Variants in TM9SF2 observed in about 807,000 individuals in gnomAD.
TM9SF2 encodes transmembrane 9 superfamily member 2.
Under a neutral mutation model 84.9 loss-of-function variants are expected in TM9SF2, and 13 were observed. That is an observed-to-expected ratio of 0.15 (90% CI 0.10 to 0.24). The LOEUF (loss-of-function observed/expected upper bound fraction) is 0.24. Ranked by LOEUF, TM9SF2 falls within the 10% of genes least tolerant of loss-of-function variation. TM9SF2 has a pLI of 1.00. For synonymous variants in TM9SF2, 273 were observed against 285.8 expected (o/e 0.96, Z 0.45); for missense variants, 562 against 818.5 (o/e 0.69, Z 3.82).
chr13:99,521,705 T>G (rs2046161150), intron 3 of TM9SF2, among the ~76,000 whole-genome samples: 1 of 152,252 alleles, frequency 6.6e-6, no homozygotes, highest in African/African-American at 2.4e-5. Context: ...ATATTCTTTT[T>G]TTTTCTTTTC....
At chr13:99,516,657 A>G (rs191241189) in intron 1 of TM9SF2, among the ~76,000 whole-genome samples, 1 of 152,354 alleles carries the variant, frequency 6.6e-6, no homozygotes, top group African/African-American at 2.4e-5. Flanking sequence ...TTTCCCAGGA[A>G]GTTGATACAG....
intron 7 of TM9SF2, among the ~76,000 whole-genome samples, chr13:99,540,350 G>A (rs1474769918): frequency 1.8e-4 from 26 of 148,526 alleles, no homozygotes; most frequent in African/African-American, 6.0e-4. Context: ...AGCTGCCCCC[G>A]GCATAAAGAA....
intron 13 of TM9SF2, among the ~76,000 whole-genome samples, chr13:99,553,110 C>G (rs1283637197): frequency 6.6e-6 from 1 of 152,230 alleles, no homozygotes; most frequent in Non-Finnish European, 1.5e-5. Flanking sequence ...CTGCCCACTC[C>G]TGCCCTCAGG....
intron 10 of TM9SF2, among the ~76,000 whole-genome samples, chr13:99,546,173 C>T (rs1457625970): frequency 1.3e-5 from 2 of 152,122 alleles, no homozygotes; most frequent in African/African-American, 2.4e-5. Context: ...CGTGCTTGCT[C>T]ACATACGTGC....
chr13:99,540,571 ATC>A (rs1172228921), intron 7 of TM9SF2, 141 bp from the exon 8 acceptor site: 4 of 488,696 alleles, frequency 8.2e-6, no homozygotes, highest in African/African-American at 7.9e-5. Context: ...AACTCTCCAA[ATC>A]TCAGGACTAA....
At chr13:99,509,393 T>G (rs1399191583) in intron 1 of TM9SF2, among the ~76,000 whole-genome samples, 2 of 152,198 alleles carry the variant, frequency 1.3e-5, no homozygotes, top group East Asian at 3.9e-4. Flanking sequence ...AGGTGCTTTG[T>G]GGGGGCTCCA....
chr13:99,522,415 T>A (rs528617160), intron 3 of TM9SF2, among the ~76,000 whole-genome samples: 1 of 152,172 alleles, frequency 6.6e-6, no homozygotes, highest in Non-Finnish European at 1.5e-5. Flanking sequence ...CCTAATGGGA[T>A]GAAGTCATTG....
At chr13:99,562,665 G>A (rs1789941715) in intron 16 of TM9SF2, 26 bp from the exon 17 acceptor site, 2 of 1,605,006 alleles carry the variant, frequency 1.2e-6, no homozygotes, top group Admixed American at 1.7e-5. Flanking sequence ...TTGAAAAGGG[G>A]TTTATTTTTA....
Position 99,536,663 on chromosome 13 carries a change from T to G in TM9SF2, c.517T>G (p.Phe173Val). 1 of 1,613,802 alleles carries G rather than the reference T, an allele frequency of 6.2e-7. No homozygotes were observed. Among genetic ancestry groups the G allele is most frequent in the African/African-American group, 1.3e-5 (1 of 75,024 alleles). ...WCYDVEDGQR[F>V]CNPGFPIGCY... ...TTACGATGTTGAAGATGGTCAGAGG[T>G]TCTGTAATCCTGGATTTCCTATTGG... The change falls in exon 5 of 17, where the codon TTC (phenylalanine) becomes GTC (valine). Residue 173 changes from phenylalanine to valine, a missense_variant. This residue lies in a region of TM9SF2 where 267 missense variants were observed against 316.7 expected (regional missense o/e 0.84). Coordinates refer to ENST00000376387, the MANE Select transcript of TM9SF2 (RefSeq NM_004800.3).
In TM9SF2 at chr13:99,556,958, T is replaced by C. The variant is rs772592321; in HGVS notation, c.1752+1311T>C. 7.4e-4 allele frequency among the ~76,000 whole-genome samples: 113 copies of C among 152,244 alleles called. 1 individual carries two copies. The highest frequency in any genetic ancestry group is 2.2e-4 in the Non-Finnish European group (15 of 68,042). On this transcript the variant is annotated intron_variant, in intron 15 of 16. Transcript: ENST00000376387. The stretch of plus-strand genomic sequence containing the variant: ...TCCATTGGTGGGCATTTGTATTGTT[T>C]CTACTTTTTGGCTGTTGTGAATAGT...
intron 4 of TM9SF2, 69 bp downstream of exon 4, chr13:99,529,663 A>G (rs1242115215): frequency 2.9e-5 from 40 of 1,374,198 alleles, no homozygotes; most frequent in Admixed American, 8.7e-5. Flanking sequence ...CTTTGACTAT[A>G]TAAATTACTT....
intron 3 of TM9SF2, among the ~76,000 whole-genome samples, chr13:99,529,057 G>A (rs2046196515): frequency 6.6e-6 from 1 of 152,122 alleles, no homozygotes; most frequent in South Asian, 2.1e-4. Context: ...CTTAACATCT[G>A]TTGATTATTT....
intron 12 of TM9SF2, among the ~76,000 whole-genome samples, chr13:99,550,287 A>T (rs1328225541): frequency 6.6e-6 from 1 of 152,200 alleles, no homozygotes; most frequent in South Asian, 2.1e-4. Context: ...CTTGAAAAAA[A>T]TAGTCTCTAC....
intron 3 of TM9SF2, among the ~76,000 whole-genome samples, chr13:99,525,838 A>G (rs1289704174): frequency 6.6e-6 from 1 of 152,170 alleles, no homozygotes; most frequent in Non-Finnish European, 1.5e-5. Flanking sequence ...TACAGGCGTG[A>G]GCCACCGCGC....
At chr13:99,504,861 G>A (rs1423560346) in intron 1 of TM9SF2, among the ~76,000 whole-genome samples, 1 of 152,026 alleles carries the variant, frequency 6.6e-6, no homozygotes, top group Admixed American at 6.5e-5. Flanking sequence ...TTCTGTTCCT[G>A]TACAATCTGT....
intron 3 of TM9SF2, among the ~76,000 whole-genome samples, chr13:99,529,014 T>C (rs2046196227): frequency 1.3e-5 from 2 of 151,984 alleles, no homozygotes; most frequent in Admixed American, 1.3e-4. Flanking sequence ...TGTTCACTGC[T>C]GAATCTCTAT....
chr13:99,507,046 A>G (rs2046091637), intron 1 of TM9SF2, among the ~76,000 whole-genome samples: 1 of 152,214 alleles, frequency 6.6e-6, no homozygotes, highest in Admixed American at 6.5e-5. Context: ...CCCTTTGCTA[A>G]TAATAATGGT....
chr13:99,538,350 A>C (rs1174454928), intron 6 of TM9SF2, among the ~76,000 whole-genome samples: 2 of 151,930 alleles, frequency 1.3e-5, no homozygotes, highest in African/African-American at 4.8e-5. Context: ...CGTACATATC[A>C]GTTATTTATG....
intron 3 of TM9SF2, among the ~76,000 whole-genome samples, chr13:99,524,723 GC>G (rs1167141595): frequency 6.6e-6 from 1 of 151,718 alleles, no homozygotes; most frequent in African/African-American, 2.4e-5. Flanking sequence ...TGCCCCAAGG[GC>G]TCCTGGTATT....
Sources: allele counts gnomAD v4.1 joint callset (sites outside exome capture counted in the v4.1 genomes callset), GRCh38; gene constraint gnomAD v4.1.1; regional missense constraint gnomAD v4.1.1; transcripts MANE v1.5; gene names NCBI Gene and HGNC (gene_info 2026-07-23, HGNC 2026-07-21).